Variants in FBRSL1 observed in about 807,000 individuals in gnomAD.
FBRSL1 encodes fibrosin like 1.
Under a neutral mutation model 89.6 loss-of-function variants are expected in FBRSL1, and 51 were observed. The observed-to-expected ratio is 0.57, with a 90% CI of 0.45 to 0.72. The LOEUF (loss-of-function observed/expected upper bound fraction) is 0.72. FBRSL1 is among the 30% of genes least tolerant of loss of function. FBRSL1 has a pLI of 0.00. For missense variants in FBRSL1, 1,618 were observed against 1,451.8 expected (o/e 1.11, Z -1.86); for synonymous variants, 779 against 681.1 (o/e 1.14, Z -2.24).
intron 16 of FBRSL1, 70 bp from the exon 17 acceptor site, chr12:132,581,671 C>T (rs2040758756): frequency 2.7e-6 from 4 of 1,508,202 alleles, no homozygotes; most frequent in South Asian, 2.4e-5. Flanking sequence ...CTACAGCAGC[C>T]CCCACTGGGC....
chr12:132,579,943 G>A (rs1036333883), intron 15 of FBRSL1, among the ~76,000 whole-genome samples: 1 of 152,120 alleles, frequency 6.6e-6, no homozygotes, highest in Non-Finnish European at 1.5e-5. Flanking sequence ...CCAGTAAGTT[G>A]ATTTGGGGCA....
At chr12:132,544,331 T>G (rs1028752640) in intron 4 of FBRSL1, among the ~76,000 whole-genome samples, 2 of 151,974 alleles carry the variant, frequency 1.3e-5, no homozygotes, top group East Asian at 3.9e-4. Flanking sequence ...CTGGCTGCCA[T>G]TGGAGCTCAG....
intron 1 of FBRSL1, chr12:132,507,311 T>A: frequency 1.0e-6 from 1 of 985,458 alleles, no homozygotes; most frequent in South Asian, 4.7e-5. Context: ...GCCGGCTGGC[T>A]CCTCTGGACC....
rs988569174 is a variant in FBRSL1 at position 132,548,830 on chromosome 12, C to T, written c.645+798C>T. Among the ~76,000 whole-genome samples the T allele has an allele frequency of 6.6e-5, 10 of 152,204 alleles. No homozygotes were observed. In the South Asian group the frequency reaches 1.9e-3, roughly 28 times the overall value. On this transcript the variant is annotated intron_variant, in intron 5 of 18. Coordinates refer to ENST00000680143, the MANE Select transcript of FBRSL1 (RefSeq NM_001367871.1). ...AGATGTGCCAGGGGAATGGTCACCC[C>T]GGCCTCAGGGACGGCCCTGCAGAGG...
In FBRSL1 at chr12:132,583,792, G is replaced by A. The variant is rs1593626029; in HGVS notation, c.*14G>A. 1.4e-5 allele frequency: 17 copies of A among 1,208,178 alleles called. No individual in the cohort carries two copies. The East Asian group carries it at 5.6e-4, about 40-fold the overall frequency. 74.8% of individuals were successfully genotyped at this position (1,208,178 alleles called of 1,614,324 possible). A position where few individuals can be genotyped will look rare whatever the true frequency, so the allele number is the denominator to read the frequency against. ...GAGGCGCGGTAGCCCCGGGGCCGCA[G>A]ACGCCTCTCCGAGCGGAGCGCACCG... On this transcript the variant is annotated 3_prime_UTR_variant, in exon 19 of 19. Transcript: ENST00000680143.
chr12:132,581,311 A>G (rs937891199), intron 15 of FBRSL1, 128 bp from the exon 16 acceptor site: 1 of 1,533,942 alleles, frequency 6.5e-7, no homozygotes, highest in Non-Finnish European at 8.8e-7. Flanking sequence ...TTCACCCCTC[A>G]GGGCATGCGA....
intron 2 of FBRSL1, among the ~76,000 whole-genome samples, chr12:132,518,430 C>T (rs1425410557): frequency 6.7e-6 from 1 of 148,808 alleles, no homozygotes; most frequent in African/African-American, 2.5e-5. Flanking sequence ...CCATCATCCA[C>T]CCGTCTGTAG....
At chr12:132,559,345 G>A (rs1400495439) in intron 5 of FBRSL1, among the ~76,000 whole-genome samples, 1 of 152,236 alleles carries the variant, frequency 6.6e-6, no homozygotes, top group African/African-American at 2.4e-5. Flanking sequence ...GGTGGGGGAA[G>A]GGCTCCTCCT....
intron 5 of FBRSL1, chr12:132,551,797 C>T (rs766011099): frequency 2.3e-4 from 81 of 350,080 alleles, no homozygotes; most frequent in Non-Finnish European, 3.9e-4. Flanking sequence ...ATGGCCCCTT[C>T]GCAAGTCTTC....
At chr12:132,582,338 C>G (rs1417639170) in intron 18 of FBRSL1, 72 bp downstream of exon 18, 8 of 1,329,084 alleles carry the variant, frequency 6.0e-6, no homozygotes, top group Middle Eastern at 1.9e-4. Flanking sequence ...CCGTCATCCC[C>G]GGTTCCCCCT....
intron 2 of FBRSL1, among the ~76,000 whole-genome samples, chr12:132,518,180 T>A (rs766297823): frequency 1.3e-5 from 2 of 152,100 alleles, no homozygotes; most frequent in Non-Finnish European, 2.9e-5. Context: ...AGGCCTTAAC[T>A]CAGCCAGCAT....
intron 5 of FBRSL1, among the ~76,000 whole-genome samples, chr12:132,550,496 G>A (rs942596459): frequency 2.6e-5 from 4 of 152,152 alleles, no homozygotes; most frequent in African/African-American, 7.2e-5. Flanking sequence ...GAGGCTGCTC[G>A]GGGAGAGCAG....
At chr12:132,577,972 A>G (rs2040485192) in intron 15 of FBRSL1, among the ~76,000 whole-genome samples, 1 of 152,242 alleles carries the variant, frequency 6.6e-6, no homozygotes, top group African/African-American at 2.4e-5. Flanking sequence ...GAGCATCCAC[A>G]TACAGCTGAC....
At chr12:132,528,629 G>A (rs988624379) in intron 4 of FBRSL1, among the ~76,000 whole-genome samples, 1 of 151,974 alleles carries the variant, frequency 6.6e-6, no homozygotes. Flanking sequence ...TGTGTGTCCG[G>A]GGGAGCGGGT....
intron 2 of FBRSL1, among the ~76,000 whole-genome samples, chr12:132,516,175 T>C (rs186105334): frequency 2.0e-5 from 3 of 151,178 alleles, no homozygotes; most frequent in Non-Finnish European, 2.9e-5. Context: ...CAAGATGAAA[T>C]AGATAATCCG....
At chr12:132,527,553 C>T (rs2035887461) in intron 3 of FBRSL1, among the ~76,000 whole-genome samples, 1 of 152,092 alleles carries the variant, frequency 6.6e-6, no homozygotes, top group African/African-American at 2.4e-5. Context: ...TGGGTCTGGG[C>T]ATCTGGACCT....
chr12:132,582,083 C>T lies in FBRSL1; in HGVS notation c.2018C>T (p.Ala673Val), dbSNP rs1165673937. The T allele has an allele frequency of 1.3e-6, 2 of 1,547,930 alleles. No individual in the cohort carries two copies. Among genetic ancestry groups the T allele is most frequent in the Admixed American group, 3.9e-5 (2 of 50,924 alleles). ...CCAGCTCCCGGTGGCAGCATCTTTGCCCCCAAGGAGGGCTCCTCCGTGCAC... is the reference window on the plus strand; with the variant it reads ...CCAGCTCCCGGTGGCAGCATCTTTGTCCCCAAGGAGGGCTCCTCCGTGCAC... The part of the protein sequence containing the change: ...HALAPGGSIF[A>V]PKEGSSVHGL... The change falls in exon 18 of 19, where the codon GCC becomes GTC. Residue 673 changes from alanine to valine, a missense_variant. Coordinates refer to ENST00000680143, the MANE Select transcript of FBRSL1 (RefSeq NM_001367871.1).
chr12:132,534,899 G>A (rs577655570), intron 4 of FBRSL1, among the ~76,000 whole-genome samples: 11 of 152,324 alleles, frequency 7.2e-5, no homozygotes, highest in South Asian at 6.2e-4. Flanking sequence ...CATGAGTGCC[G>A]CCTTTCACCC....
chr12:132,508,765 G>A (rs375487916), intron 2 of FBRSL1, among the ~76,000 whole-genome samples: 2 of 152,374 alleles, frequency 1.3e-5, no homozygotes, highest in South Asian at 2.1e-4. Context: ...ATCCGCTCAC[G>A]TGTGCGGCGT....
Sources: gnomAD v4.1 joint callset for allele counts (sites outside exome capture counted in the v4.1 genomes callset) on GRCh38, gnomAD v4.1.1 for gene constraint, MANE v1.5 for transcripts, NCBI Gene and HGNC (gene_info 2026-07-23, HGNC 2026-07-21) for gene names.